Variants in KIF3C observed in about 807,000 individuals in gnomAD.
The protein encoded by KIF3C is kinesin family member 3C.
In KIF3C, 12 loss-of-function variants were observed where a neutral mutation model predicts 67.7. That is an observed-to-expected ratio of 0.18 (90% CI 0.11 to 0.29). KIF3C has a LOEUF of 0.29. KIF3C is among the 10% of genes least tolerant of loss of function. The pLI, the probability that KIF3C is intolerant of heterozygous loss-of-function variation, is 1.00. For missense variants in KIF3C, 789 were observed against 1,059.6 expected, an observed-to-expected ratio of 0.74 and a Z score of 3.55; for synonymous variants, 393 against 426.2, an observed-to-expected ratio of 0.92 and a Z score of 0.96.
chr2:25,956,151 C>A (rs1004482449), intron 2 of KIF3C, among the ~76,000 whole-genome samples, 192 bp downstream of exon 2: 3 of 152,186 alleles, frequency 2.0e-5, no homozygotes, highest in Admixed American at 1.3e-4. Context: ...CTCTCGCCCA[C>A]CAGCTAGCAG....
intron 1 of KIF3C, among the ~76,000 whole-genome samples, chr2:25,971,748 T>A (rs1332567081): frequency 4.6e-5 from 7 of 151,888 alleles, no homozygotes; most frequent in Non-Finnish European, 4.4e-5. Context: ...CGCTCTGTTG[T>A]CCAGGCTGGA....
chr2:25,981,085 C>G lies in KIF3C; in HGVS notation c.833G>C (p.Ser278Thr). The change falls in exon 1 of 8, where the codon AGT becomes ACT. Residue 278 changes from serine (S) to threonine (T), a missense_variant. Ser to Thr is a moderately conservative substitution (Grantham distance 58). Around this residue, in one of 2 missense-constraint regions of KIF3C, gnomAD observed 648 missense variants for 807.8 expected, o/e 0.80. Transcript: ENST00000264712. The surrounding 1 kb of genome is among the most constrained non-coding windows in gnomAD (Gnocchi z 8.2). ...SSGGGGGGGG[S>T]GGGAGGERPK... ...CCTCTCTCCACCAGCACCACCACCA[C>G]TGCCTCCACCGCCACCACCGCCACC... is the stretch of plus-strand genomic sequence containing the variant. 1 of 1,614,160 alleles carries G rather than the reference C, an allele frequency of 6.2e-7. No individual in the cohort carries two copies. Among genetic ancestry groups the G allele is most frequent in the Non-Finnish European group, 8.5e-7 (1 of 1,180,000 alleles).
chr2:25,936,153 A>C (rs1393370571), intron 5 of KIF3C, among the ~76,000 whole-genome samples: 1 of 152,118 alleles, frequency 6.6e-6, no homozygotes, highest in East Asian at 1.9e-4. Context: ...ATGCAGAAAG[A>C]CTGCCACAAT....
intron 5 of KIF3C, among the ~76,000 whole-genome samples, chr2:25,946,077 C>A (rs1331632181): frequency 6.6e-6 from 1 of 151,984 alleles, no homozygotes; most frequent in Non-Finnish European, 1.5e-5. Context: ...CATGCCACTG[C>A]ACTACAGTCT....
At chr2:25,962,958 AATATAT>A (rs1370387808) in intron 1 of KIF3C, among the ~76,000 whole-genome samples, 4 of 39,638 alleles carry the variant, frequency 1.0e-4, no homozygotes, top group Non-Finnish European at 1.5e-4. Context: ...TATAATATAT[AATATAT>A]ATAATATATA....
intron 5 of KIF3C, among the ~76,000 whole-genome samples, chr2:25,930,818 C>T (rs1173992052): frequency 1.3e-5 from 2 of 152,046 alleles, no homozygotes; most frequent in East Asian, 1.9e-4. Context: ...GAATTACAGG[C>T]GTGAGCCACC....
chr2:25,939,813 G>T (rs1663238302), intron 5 of KIF3C, among the ~76,000 whole-genome samples: 1 of 151,976 alleles, frequency 6.6e-6, no homozygotes, highest in South Asian at 2.1e-4. Context: ...AGCTGGGCAT[G>T]GTGGTGCACC....
At position 25,928,156 on chromosome 2, in the gene KIF3C, C is replaced by T. The variant is rs2090427219; in HGVS notation, c.*822G>A. 6.6e-6 allele frequency: 1 copy of T among 152,276 alleles called. No homozygotes were observed. Among genetic ancestry groups the T allele is most frequent in the African/African-American group, 2.4e-5 (1 of 41,434 alleles). 9.4% of individuals were successfully genotyped at this position (152,276 alleles called of 1,614,324 possible). On this transcript the variant is annotated 3_prime_UTR_variant, in exon 8 of 8. Coordinates refer to ENST00000264712, the MANE Select transcript of KIF3C (RefSeq NM_002254.8). ...GAAAATGGGGAGTTGCCTTGAGAGC[C>T]TGTCGACCAAAATGACTCCTCGGAG... is the stretch of plus-strand genomic sequence containing the variant.
intron 1 of KIF3C, among the ~76,000 whole-genome samples, chr2:25,969,629 C>T (rs1194524673): frequency 6.6e-6 from 1 of 152,148 alleles, no homozygotes; most frequent in Non-Finnish European, 1.5e-5. Flanking sequence ...CTTATGATTC[C>T]TTCCAGAAAT....
intron 5 of KIF3C, among the ~76,000 whole-genome samples, chr2:25,945,056 G>A (rs1247895265): frequency 2.7e-5 from 4 of 150,270 alleles, no homozygotes; most frequent in Non-Finnish European, 4.4e-5. Context: ...ACTTGAACCC[G>A]GGAGGTGGAG....
chr2:25,982,041 G>T lies in KIF3C; in HGVS notation c.-124C>A. On this transcript the variant is annotated 5_prime_UTR_variant, in exon 1 of 8. An upstream open reading frame in the 5' UTR gains an earlier in-frame stop. Transcript: ENST00000264712. Reference sequence around the variant, plus strand: ...CCAGGCGCAGCTCTTCAATCCGCATGCAGCCTCCTAGGGTGGGGACGCTGG... The same window carrying T: ...CCAGGCGCAGCTCTTCAATCCGCATTCAGCCTCCTAGGGTGGGGACGCTGG... 1 of 748,680 alleles carries T rather than the reference G, an allele frequency of 1.3e-6. No homozygotes were observed. The highest frequency in any genetic ancestry group is 2.1e-6 in the Non-Finnish European group (1 of 474,046). The allele number at this position is 748,680 out of a possible 1,614,324, so 46.4% of individuals were successfully genotyped here.
chr2:25,929,654 T>A (rs1048583167), intron 6 of KIF3C, among the ~76,000 whole-genome samples, 177 bp from the exon 7 acceptor site: 1 of 151,660 alleles, frequency 6.6e-6, no homozygotes, highest in South Asian at 2.1e-4. Context: ...CTCACTCTGT[T>A]GCCCAGGCTG....
rs1300388006 is a variant in KIF3C, at chr2:25,938,187, A to AC, written c.2007-8125dup. The AC allele has an allele frequency of 1.3e-4, 51 of 398,548 alleles. No individual in the cohort carries two copies. In the Admixed American group the frequency reaches 1.5e-3, roughly 11 times the overall value. 24.7% of individuals were successfully genotyped at this position (398,548 alleles called of 1,614,324 possible). ...AGACCAGCCTGGCCAATTTGGTAAA[A>AC]CCCCCTCTCTACCAAAAATACAAAA... On this transcript the variant is annotated intron_variant, in intron 5 of 7. Transcript: ENST00000264712.
intron 4 of KIF3C, among the ~76,000 whole-genome samples, chr2:25,952,865 ATAACT>A (rs1430130258): frequency 3.3e-5 from 5 of 152,124 alleles, no homozygotes; most frequent in Admixed American, 6.6e-5. Context: ...ATATTTTAAA[ATAACT>A]TAAAGAGTGT....
chr2:25,936,455 C>T (rs2149223490), intron 5 of KIF3C, among the ~76,000 whole-genome samples: 1 of 152,290 alleles, frequency 6.6e-6, no homozygotes, highest in Non-Finnish European at 1.5e-5. Context: ...TTTATTTTCT[C>T]TCTGCCTTTC....
intron 1 of KIF3C, among the ~76,000 whole-genome samples, chr2:25,977,832 C>T (rs768201839): frequency 2.0e-5 from 3 of 152,136 alleles, no homozygotes; most frequent in African/African-American, 7.2e-5. Context: ...CTGAACCAGG[C>T]GGTGCCTTGG....
intron 1 of KIF3C, among the ~76,000 whole-genome samples, chr2:25,962,990 TA>T (rs1386298557): frequency 2.7e-5 from 1 of 36,394 alleles, no homozygotes; most frequent in Non-Finnish European, 4.1e-5. Flanking sequence ...TAATATATAA[TA>T]TATATAATAT....
At chr2:25,977,058 A>G (rs1664437340) in intron 1 of KIF3C, among the ~76,000 whole-genome samples, 1 of 151,916 alleles carries the variant, frequency 6.6e-6, no homozygotes, top group African/African-American at 2.4e-5. Flanking sequence ...GACACTACAT[A>G]AGTATAAATT....
At chr2:25,946,267 G>C (rs1360732293) in intron 5 of KIF3C, among the ~76,000 whole-genome samples, 1 of 152,172 alleles carries the variant, frequency 6.6e-6, no homozygotes, top group Non-Finnish European at 1.5e-5. Context: ...AGAGAGGAAA[G>C]GTGGGGGCCA....
Sources: allele counts gnomAD v4.1 joint callset (sites outside exome capture counted in the v4.1 genomes callset), GRCh38; gene constraint gnomAD v4.1.1; regional missense constraint gnomAD v4.1.1; non-coding constraint Gnocchi (gnomAD v3.1); transcripts MANE v1.5; gene names NCBI Gene and HGNC (gene_info 2026-07-23, HGNC 2026-07-21).